ZNF175: variants seen among roughly 807,000 people sequenced by gnomAD.
The protein encoded by ZNF175 is zinc finger protein 175, also known as zinc finger protein OTK18.
In ZNF175, 8 loss-of-function variants were observed where a neutral mutation model predicts 14.0. The ratio of observed to expected loss-of-function variants is 0.57; its 90% CI spans 0.34 to 1.03. The LOEUF (loss-of-function observed/expected upper bound fraction) is 1.03, where lower values mean the gene tolerates loss of function less well. Ranked by LOEUF, ZNF175 falls within the 50% of genes least tolerant of loss-of-function variation. The pLI is 0.03. For missense variants in ZNF175, 764 were observed against 849.5 expected (o/e 0.90, Z 1.25); for synonymous variants, 255 against 296.8 (o/e 0.86, Z 1.45).
At chr19:51,578,127 A>G (rs1013128279) in intron 2 of ZNF175, among the ~76,000 whole-genome samples, 13 of 151,630 alleles carry the variant, frequency 8.6e-5, no homozygotes, top group Non-Finnish European at 1.6e-4. Flanking sequence ...GGCCGGATGC[A>G]GTGGCTCACG....
At chr19:51,571,640 C>T (rs1981588571) in intron 1 of ZNF175, among the ~76,000 whole-genome samples, 165 bp downstream of exon 1, 1 of 152,030 alleles carries the variant, frequency 6.6e-6, no homozygotes, top group South Asian at 2.1e-4. Flanking sequence ...GACTTAAATT[C>T]CAAGTGTACT....
chr19:51,589,029 G>C lies in ZNF175; in HGVS notation c.*562G>C, dbSNP rs1358333198. On this transcript the variant is annotated 3_prime_UTR_variant, in exon 5 of 5. Transcript: ENST00000262259. ...GCATTTTGGATTTCAGATACTTACA[G>C]ATTTTGGAATATTTGCATTATATTT... 3.7e-6 allele frequency: 1 copy of C among 271,892 alleles called. No homozygotes were observed. Among genetic ancestry groups the C allele is most frequent in the Non-Finnish European group, 6.7e-6 (1 of 148,158 alleles). 16.8% of individuals were successfully genotyped at this position (271,892 alleles called of 1,614,324 possible). A position where few individuals can be genotyped will look rare whatever the true frequency, so the allele number is the denominator to read the frequency against.
intron 4 of ZNF175, 57 bp from the exon 5 acceptor site, chr19:51,586,570 C>T: frequency 6.6e-7 from 1 of 1,504,652 alleles, no homozygotes; most frequent in Non-Finnish European, 8.9e-7. Context: ...CAGCTTCATG[C>T]AGTTTCTCCT....
Position 51,586,883 on chromosome 19 carries a change from G to A in ZNF175, c.552G>A (p.Thr184=), listed in dbSNP as rs183485231. Residue 184 remains threonine (T), a synonymous_variant, in exon 5 of 5, where the codon ACG becomes ACA. Transcript: ENST00000262259. ...EYKDPGKMIR[T]RPHLASSQKQ... ...AGGACCCTGGGAAAATGATTCGCAC[G>A]AGGCCCCACCTTGCTTCTTCACAGA... 28 of 1,614,142 alleles carry A rather than the reference G, an allele frequency of 1.7e-5. No homozygotes were observed. The highest frequency in any genetic ancestry group is 1.6e-4 in the Middle Eastern group (1 of 6,062).
At chr19:51,575,041 A>G (rs1981725571) in intron 2 of ZNF175, among the ~76,000 whole-genome samples, 1 of 151,880 alleles carries the variant, frequency 6.6e-6, no homozygotes, top group South Asian at 2.1e-4. Context: ...TATCTTTTCT[A>G]ATGTGATGGA....
Position 51,589,595 on chromosome 19 carries a change from GC to G in ZNF175, c.*1130del. 1 of 701,924 alleles carries G rather than the reference GC, an allele frequency of 1.4e-6. No homozygotes were observed. The highest frequency in any genetic ancestry group is 2.6e-6 in the Non-Finnish European group (1 of 384,714). The allele number at this position is 701,924 out of a possible 1,614,324, so 43.5% of individuals were successfully genotyped here. A position where few individuals can be genotyped will look rare whatever the true frequency, so the allele number is the denominator to read the frequency against. Reference sequence around the variant, plus strand: ...TTTCCATCTCCACCATCTATAGTGAGCCTCTCCATAATTAGTGCCAACCATT... The same window carrying G: ...TTTCCATCTCCACCATCTATAGTGAGCTCTCCATAATTAGTGCCAACCATT... On this transcript the variant is annotated 3_prime_UTR_variant, in exon 5 of 5. Coordinates refer to ENST00000262259, the MANE Select transcript of ZNF175 (RefSeq NM_007147.4).
At chr19:51,575,073 T>C (rs1161779192) in intron 2 of ZNF175, among the ~76,000 whole-genome samples, 1 of 152,130 alleles carries the variant, frequency 6.6e-6, no homozygotes, top group Non-Finnish European at 1.5e-5. Context: ...TATAGTGTTT[T>C]AATTTGCATT....
At chr19:51,580,042 A>G (rs1981946449) in intron 2 of ZNF175, among the ~76,000 whole-genome samples, 1 of 150,416 alleles carries the variant, frequency 6.6e-6, no homozygotes, top group Non-Finnish European at 1.5e-5. Context: ...AGAAATGATA[A>G]TGTTTTGAAT....
chr19:51,581,574 T>C, intron 3 of ZNF175, 57 bp downstream of exon 3: 1 of 1,578,448 alleles, frequency 6.3e-7, no homozygotes, highest in Non-Finnish European at 8.6e-7. Context: ...ATTTCCTTCC[T>C]CCTCATTGCA....
At position 51,591,935 on chromosome 19, in the gene ZNF175, A is replaced by AT. The variant is rs766632196; in HGVS notation, c.*3474dup. ...AGGCGCCCACCACCATGCCTGGCTA[A>AT]TTTTTTGTATTTTTAGTAGAGACGG... is the stretch of plus-strand genomic sequence containing the variant. On this transcript the variant is annotated 3_prime_UTR_variant, in exon 5 of 5. Coordinates refer to ENST00000262259, the MANE Select transcript of ZNF175 (RefSeq NM_007147.4). 2.0e-5 allele frequency: 3 copies of AT among 151,404 alleles called. No individual in the cohort carries two copies. The highest frequency in any genetic ancestry group is 6.6e-5 in the Admixed American group (1 of 15,160). The allele number at this position is 151,404 out of a possible 1,614,324, so 9.4% of individuals were successfully genotyped here.
intron 2 of ZNF175, among the ~76,000 whole-genome samples, chr19:51,575,243 G>A (rs1048396791): frequency 7.6e-6 from 1 of 131,610 alleles, no homozygotes; most frequent in Non-Finnish European, 1.6e-5. Context: ...TTGAGACGGA[G>A]TCTCGCTCTG....
chr19:51,586,879 G>C lies in ZNF175; in HGVS notation c.548G>C (p.Arg183Pro). The change falls in exon 5 of 5, where the codon CGC becomes CCC. Residue 183 changes from arginine (R) to proline (P), a missense_variant. Physicochemically the swap from Arg to Pro is moderately radical, Grantham distance 103. Transcript: ENST00000262259. ...TATAAGGACCCTGGGAAAATGATTC[G>C]CACGAGGCCCCACCTTGCTTCTTCA... is the stretch of plus-strand genomic sequence containing the variant. Reference protein sequence around the residue: ...CEYKDPGKMIRTRPHLASSQK... With the variant: ...CEYKDPGKMIPTRPHLASSQK... 6.2e-7 allele frequency: 1 copy of C among 1,614,108 alleles called. No individual in the cohort carries two copies. The highest frequency in any genetic ancestry group is 1.3e-5 in the African/African-American group (1 of 75,016).
chr19:51,591,783 G>A lies in ZNF175; in HGVS notation c.*3316G>A, dbSNP rs62113346. 1 of 85,438 alleles carries A rather than the reference G, an allele frequency of 1.2e-5. No homozygotes were observed. Among genetic ancestry groups the A allele is most frequent in the Non-Finnish European group, 2.4e-5 (1 of 41,494 alleles). 5.3% of individuals were successfully genotyped at this position (85,438 alleles called of 1,614,324 possible). ...TCATGACCTTTTTTTTTTTTTTCTTGTGAGATGGAGTCTCGCTCTGTCGCC... is the reference window on the plus strand; with the variant it reads ...TCATGACCTTTTTTTTTTTTTTCTTATGAGATGGAGTCTCGCTCTGTCGCC... On this transcript the variant is annotated 3_prime_UTR_variant, in exon 5 of 5. Transcript: ENST00000262259.
chr19:51,576,142 T>A lies in ZNF175; in HGVS notation c.72+2741T>A, dbSNP rs946287117. On this transcript the variant is annotated intron_variant, in intron 2 of 4. Transcript: ENST00000262259. ...AAACCCTCGCTATTTCAGGGACAGT[T>A]TTTTTTTTTGTTTTTTTTTTTTTTT... Among the ~76,000 whole-genome samples the A allele has an allele frequency of 2.4e-5, 3 of 126,622 alleles. No individual in the cohort carries two copies. The South Asian group carries it at 8.3e-4, about 35-fold the overall frequency. 83.1% of individuals were successfully genotyped at this position (126,622 alleles called of 152,430 possible). A position where few individuals can be genotyped will look rare whatever the true frequency, so the allele number is the denominator to read the frequency against.
chr19:51,583,148 C>A (rs1374751371), intron 4 of ZNF175, among the ~76,000 whole-genome samples: 1 of 152,200 alleles, frequency 6.6e-6, no homozygotes, highest in African/African-American at 2.4e-5. Flanking sequence ...AGCCACCGTG[C>A]CCGGCTATGG....
rs540972246 is a variant in ZNF175 at position 51,583,915 on chromosome 19, G to A, written c.295+2033G>A. Among the ~76,000 whole-genome samples, 11 of 152,224 alleles carry A rather than the reference G, an allele frequency of 7.2e-5. No individual in the cohort carries two copies. The South Asian group carries it at 1.7e-3, about 23-fold the overall frequency. ...TTAATCTTCATTATATCAATGTTTA[G>A]CATGAGGAAACCATTGTATTTAAGA... On this transcript the variant is annotated intron_variant, in intron 4 of 4. Transcript: ENST00000262259.
rs865979082 is a variant in ZNF175 at position 51,591,280 on chromosome 19, C to G, written c.*2813C>G. ...ACTATTTTTTCTTTCCTCTCAGTAC[C>G]AAGCGCTGGGACAAGCCAGTCTGTA... On this transcript the variant is annotated 3_prime_UTR_variant, in exon 5 of 5. Coordinates refer to ENST00000262259, the MANE Select transcript of ZNF175 (RefSeq NM_007147.4). The G allele has an allele frequency of 1.4e-4, 21 of 152,304 alleles. No homozygotes were observed. The highest frequency in any genetic ancestry group is 5.1e-4 in the African/African-American group (21 of 41,428). The allele number at this position is 152,304 out of a possible 1,614,324, so 9.4% of individuals were successfully genotyped here. A position where few individuals can be genotyped will look rare whatever the true frequency, so the allele number is the denominator to read the frequency against.
chr19:51,587,657 A>G lies in ZNF175; in HGVS notation c.1326A>G (p.Ser442=). The stretch of plus-strand genomic sequence containing the variant: ...TCAGCTTGCACCAGAGAATCCACTC[A>G]GGGCAGAAGTCCTATGTGTGTATCG... The part of the protein sequence containing the change: ...STLSLHQRIH[S]GQKSYVCIEC... Residue 442 remains serine (S), a synonymous_variant, in exon 5 of 5, where the codon TCA becomes TCG. Transcript: ENST00000262259. 6.2e-7 allele frequency: 1 copy of G among 1,613,874 alleles called. No homozygotes were observed. The highest frequency in any genetic ancestry group is 8.5e-7 in the Non-Finnish European group (1 of 1,179,924).
At chr19:51,573,746 G>T in intron 2 of ZNF175, 1 of 386,896 alleles carries the variant, frequency 2.6e-6, no homozygotes, top group Non-Finnish European at 4.5e-6. Flanking sequence ...ATTTCAAGTG[G>T]TCCCCCCCAC....
Sources: gnomAD v4.1 joint callset for allele counts (sites outside exome capture counted in the v4.1 genomes callset) on GRCh38, gnomAD v4.1.1 for gene constraint, MANE v1.5 for transcripts, NCBI Gene and HGNC (gene_info 2026-07-23, HGNC 2026-07-21) for gene names.